BTK: variants seen among roughly 807,000 people sequenced by gnomAD.
BTK encodes tyrosine-protein kinase BTK.
In BTK, 5 loss-of-function variants were observed where a neutral mutation model predicts 57.4. The observed-to-expected ratio is 0.09, with a 90% CI of 0.05 to 0.18. BTK has a LOEUF of 0.18. Among genes scored for constraint, BTK ranks in the 10% least tolerant of loss-of-function variants. BTK has a pLI of 1.00. For missense variants in BTK, 194 were observed against 501.2 expected, an observed-to-expected ratio of 0.39 and a Z score of 5.85; for synonymous variants, 154 against 174.3, an observed-to-expected ratio of 0.88 and a Z score of 0.92.
chrX:101,356,176 C>T lies in BTK; in HGVS notation c.1442G>A (p.Cys481Tyr), dbSNP rs1057519825. The T allele has an allele frequency of 8.3e-7, 1 of 1,211,746 alleles. No individual in the cohort carries two copies. The highest frequency in any genetic ancestry group is 1.1e-6 in the Non-Finnish European group (1 of 895,439). ...CATCTCCCTCAGGTAGTTCAGGAGG[C>T]AGCCATTGGCCATGTACTCAGTGAT... ...FIITEYMANG[C>Y]LLNYLREMRH... The change falls in exon 15 of 19, where the codon TGC becomes TAC. Residue 481 changes from cysteine (C) to tyrosine (Y), a missense_variant. By Grantham distance (194) the Cys-to-Tyr change is radical (BLOSUM62 -2). This residue lies in a region of BTK where 79 missense variants were observed against 217.7 expected (regional missense o/e 0.36). Coordinates refer to ENST00000308731, the MANE Select transcript of BTK (RefSeq NM_000061.3).
chrX:101,360,817 T>G, intron 7 of BTK, 62 bp from the exon 8 acceptor site: 1 of 1,087,669 alleles, frequency 9.2e-7, no homozygotes, highest in Admixed American at 2.2e-5. Flanking sequence ...TTCTCTTCTC[T>G]CCCAACTCTC....
At chrX:101,362,807 C>A in intron 5 of BTK, 118 bp from the exon 6 acceptor site, 1 of 1,020,573 alleles carries the variant, frequency 9.8e-7, no homozygotes, top group Non-Finnish European at 1.4e-6. Context: ...CTTGGCCACC[C>A]TGAAGGAGAG....
intron 1 of BTK, among the ~76,000 whole-genome samples, chrX:101,380,744 AACTCAGGCCT>A (rs1338277534): frequency 9.0e-6 from 1 of 110,793 alleles, no homozygotes; most frequent in Non-Finnish European, 1.9e-5. Flanking sequence ...CAGGTGCGGT[AACTCAGGCCT>A]GTAATCCCAG....
At chrX:101,359,719 G>A (rs1926600788) in intron 9 of BTK, among the ~76,000 whole-genome samples, 1 of 109,616 alleles carries the variant, frequency 9.1e-6, no homozygotes, top group African/African-American at 3.3e-5. Context: ...TTCTGGATTT[G>A]AGGGCATGGT....
intron 3 of BTK, 51 bp from the exon 4 acceptor site, chrX:101,371,752 T>G (rs1183101691): frequency 9.6e-7 from 1 of 1,036,964 alleles, no homozygotes; most frequent in Non-Finnish European, 1.4e-6. Context: ...TGCTCTTTTC[T>G]GAATTTCCTT....
At chrX:101,357,383 T>C in intron 13 of BTK, 126 bp downstream of exon 13, 2 of 626,876 alleles carry the variant, frequency 3.2e-6, no homozygotes, top group Non-Finnish European at 5.4e-6. Flanking sequence ...CTTGGATCTG[T>C]CTTGAGCGTC....
chrX:101,376,520 G>A (rs1485678494), intron 1 of BTK, among the ~76,000 whole-genome samples: 3 of 111,265 alleles, frequency 2.7e-5, no homozygotes, highest in East Asian at 2.8e-4. Flanking sequence ...CCAGCTACTC[G>A]GGAGGCTGAG....
At chrX:101,356,019 C>T in intron 15 of BTK, 33 bp downstream of exon 15, 1 of 1,193,424 alleles carries the variant, frequency 8.4e-7, no homozygotes, top group East Asian at 3.0e-5. Flanking sequence ...CCCATCAGCC[C>T]TTTGTCCTAG....
intron 2 of BTK, among the ~76,000 whole-genome samples, chrX:101,374,874 C>T (rs140723396): frequency 8.2e-4 from 92 of 111,638 alleles, no homozygotes; most frequent in African/African-American, 2.9e-3. Flanking sequence ...AAGCAATTTC[C>T]AACTCTTCGA....
intron 12 of BTK, 173 bp downstream of exon 12, chrX:101,358,137 G>C (rs1555978093): frequency 1.5e-6 from 1 of 672,719 alleles, no homozygotes; most frequent in Non-Finnish European, 2.4e-6. Flanking sequence ...TCCCTGTTGG[G>C]TGTAGGTCTG....
At chrX:101,369,287 C>T (rs944458737) in intron 5 of BTK, among the ~76,000 whole-genome samples, 1 of 112,159 alleles carries the variant, frequency 8.9e-6, no homozygotes, top group African/African-American at 3.2e-5. Context: ...TCATTTGATC[C>T]TTACAACAAC....
At chrX:101,361,812 T>C (rs1479495542) in intron 7 of BTK, among the ~76,000 whole-genome samples, 1 of 111,862 alleles carries the variant, frequency 8.9e-6, no homozygotes, top group Non-Finnish European at 1.9e-5. Context: ...GGAGAATCAC[T>C]TGAATCTGGG....
At chrX:101,362,096 T>C in intron 7 of BTK, 77 bp downstream of exon 7, 1 of 1,029,839 alleles carries the variant, frequency 9.7e-7, no homozygotes, top group Admixed American at 2.2e-5. Context: ...AGGGTAATTC[T>C]AAGACTCTAG....
Position 101,357,555 on chromosome X carries a change from C to T in BTK, c.1131G>A (p.Val377=). 1 of 1,210,684 alleles carries T rather than the reference C, an allele frequency of 8.3e-7. No homozygotes were observed. Among genetic ancestry groups the T allele is most frequent in the Non-Finnish European group, 1.1e-6 (1 of 894,717 alleles). ...AAGGTGCATTCTTGTTTTGTTGAGA[C>T]ACTGGATATTTGAGCCTGGATATGA... ...AGLISRLKYP[V]SQQNKNAPST... is the part of the protein sequence containing the mutation. Residue 377 remains valine, a synonymous_variant, in exon 13 of 19, where the codon GTG becomes GTA. Coordinates refer to ENST00000308731, the MANE Select transcript of BTK (RefSeq NM_000061.3).
chrX:101,384,302 T>C (rs781897919), intron 1 of BTK, among the ~76,000 whole-genome samples: 9 of 112,183 alleles, frequency 8.0e-5, no homozygotes, highest in Non-Finnish European at 1.5e-4. Context: ...ATAAGGAGTT[T>C]ACAAAGAATT....
At chrX:101,354,483 A>T in intron 16 of BTK, 147 bp downstream of exon 16, 1 of 626,700 alleles carries the variant, frequency 1.6e-6, no homozygotes, top group East Asian at 3.2e-5. Context: ...TAAATAACTC[A>T]GAGGAAGAAA....
chrX:101,351,505 G>A (rs1926285548), intron 18 of BTK, among the ~76,000 whole-genome samples: 1 of 111,571 alleles, frequency 9.0e-6, no homozygotes, highest in Non-Finnish European at 1.9e-5. Flanking sequence ...CACTTTCTCT[G>A]TGATCTGTCA....
At chrX:101,364,888 C>T (rs782228811) in intron 5 of BTK, among the ~76,000 whole-genome samples, 6 of 110,741 alleles carry the variant, frequency 5.4e-5, no homozygotes, top group South Asian at 3.8e-4. Flanking sequence ...ACTACAGGCA[C>T]GCACCACCAA....
At chrX:101,362,467 C>A (rs1926705260) in intron 6 of BTK, 94 bp downstream of exon 6, 13 of 1,174,549 alleles carry the variant, frequency 1.1e-5, no homozygotes, top group Non-Finnish European at 1.5e-5. Context: ...CCAAAGTGTA[C>A]AACCTTATGC....
Sources: allele counts gnomAD v4.1 joint callset (sites outside exome capture counted in the v4.1 genomes callset), GRCh38; gene constraint gnomAD v4.1.1; regional missense constraint gnomAD v4.1.1; transcripts MANE v1.5; gene names NCBI Gene and HGNC (gene_info 2026-07-23, HGNC 2026-07-21).